The following NWD2 variants were observed in gnomAD, a reference collection of about 807,000 sequenced individuals.
NWD2 encodes the protein NACHT and WD repeat domain-containing protein 2.
In NWD2, 37 loss-of-function variants were observed where a neutral mutation model predicts 132.7. That is an observed-to-expected ratio of 0.28 (90% CI 0.21 to 0.37). The LOEUF is 0.37. Among genes scored for constraint, NWD2 ranks in the 10% least tolerant of loss-of-function variants. The probability of loss-of-function intolerance (pLI) is 1.00; values close to 1 mark genes in which losing one functional copy is unlikely to be tolerated. For missense variants in NWD2, 1,592 were observed against 2,122.4 expected (o/e 0.75, Z 4.91); for synonymous variants, 705 against 803.0 (o/e 0.88, Z 2.06).
chr4:37,359,803 A>G (rs1469478840), intron 3 of NWD2, among the ~76,000 whole-genome samples: 2 of 152,160 alleles, frequency 1.3e-5, no homozygotes, highest in East Asian at 3.8e-4. Context: ...ATAATGGCCC[A>G]AGGTTCCACT....
intron 3 of NWD2, among the ~76,000 whole-genome samples, chr4:37,381,874 C>T (rs917194214): frequency 1.3e-5 from 2 of 152,170 alleles, no homozygotes; most frequent in African/African-American, 4.8e-5. Flanking sequence ...GTAGTTAAGT[C>T]ACATTTCAAA....
rs1553897375 is a variant in NWD2 at position 37,394,811 on chromosome 4, T to TGTTTTGTTTTG, written c.358-35761_358-35760insGTTTTGTTTTG. Reference sequence around the variant, plus strand: ...GTGAACCTTTATGGTTTTTTTTTTTTTTTTTTTTTTTTTTTTTGAGGCAGA... The same window carrying TGTTTTGTTTTG: ...GTGAACCTTTATGGTTTTTTTTTTTTGTTTTGTTTTGTTTTTTTTTTTTTTTTTGAGGCAGA... On this transcript the variant is annotated intron_variant, in intron 3 of 6. Transcript: ENST00000309447. 1.5e-4 allele frequency among the ~76,000 whole-genome samples: 18 copies of TGTTTTGTTTTG among 120,782 alleles called. 1 individual carries two copies. Among genetic ancestry groups the TGTTTTGTTTTG allele is most frequent in the Non-Finnish European group, 2.4e-4 (14 of 57,870 alleles). The allele number at this position is 120,782 out of a possible 152,430, so 79.2% of individuals were successfully genotyped here. A position where few individuals can be genotyped will look rare whatever the true frequency, so the allele number is the denominator to read the frequency against.
intron 1 of NWD2, among the ~76,000 whole-genome samples, chr4:37,283,119 T>G (rs1262246291): frequency 1.3e-5 from 2 of 152,192 alleles, no homozygotes; most frequent in Admixed American, 6.5e-5. Context: ...GAACTCACCA[T>G]GATTTCTACT....
chr4:37,284,823 T>C (rs2109269629), intron 1 of NWD2, among the ~76,000 whole-genome samples: 1 of 152,274 alleles, frequency 6.6e-6, no homozygotes, highest in Non-Finnish European at 1.5e-5. Context: ...CTGTGCACTC[T>C]CCTTGTGTCC....
At chr4:37,389,573 G>A (rs571388274) in intron 3 of NWD2, among the ~76,000 whole-genome samples, 133 of 152,206 alleles carry the variant, frequency 8.7e-4, no homozygotes, top group African/African-American at 3.0e-3. Flanking sequence ...TCGTTCTGGC[G>A]CTCAGTTTCC....
At chr4:37,263,260 C>A (rs535843811) in intron 1 of NWD2, among the ~76,000 whole-genome samples, 1 of 152,206 alleles carries the variant, frequency 6.6e-6, no homozygotes, top group South Asian at 2.1e-4. Flanking sequence ...TAGCAGGTAC[C>A]CAAGATGATC....
At chr4:37,330,791 A>G (rs552574073) in intron 2 of NWD2, among the ~76,000 whole-genome samples, 5 of 151,750 alleles carry the variant, frequency 3.3e-5, no homozygotes, top group Non-Finnish European at 7.4e-5. Flanking sequence ...GTATTTCTGT[A>G]CAATACCACC....
At chr4:37,430,837 T>A in intron 4 of NWD2, 62 bp downstream of exon 4, 1 of 1,407,392 alleles carries the variant, frequency 7.1e-7, no homozygotes, top group South Asian at 1.2e-5. Flanking sequence ...ACCATTTATG[T>A]CATCCGGGGT....
chr4:37,438,361 T>G (rs1042976657), intron 5 of NWD2, among the ~76,000 whole-genome samples: 17 of 152,202 alleles, frequency 1.1e-4, no homozygotes, highest in African/African-American at 3.4e-4. Flanking sequence ...GAGGTCACTT[T>G]GTTAAGGAAA....
chr4:37,445,488 C>G lies in NWD2; in HGVS notation c.3500C>G (p.Ser1167Cys), dbSNP rs1279507227. The G allele has an allele frequency of 1.9e-6, 3 of 1,551,676 alleles. No homozygotes were observed. The highest frequency in any genetic ancestry group is 2.6e-6 in the Non-Finnish European group (3 of 1,147,032). The change falls in exon 7 of 7, where the codon TCT becomes TGT. Residue 1167 changes from serine (S) to cysteine (C), a missense_variant. Coordinates refer to ENST00000309447, the MANE Select transcript of NWD2 (RefSeq NM_001144990.2). This position sits in a 1 kb window ranked among gnomAD's most constrained non-coding sequence, Gnocchi z 4.7. ...ATGGTAGACAGTGAAGGAAGTCTTT[C>G]TGTTTGGAATACTGAGGACATTTCC... Reference protein sequence around the residue: ...MVMVDSEGSLSVWNTEDISSP... With the variant: ...MVMVDSEGSLCVWNTEDISSP...
chr4:37,255,464 C>G (rs542247962), intron 1 of NWD2, among the ~76,000 whole-genome samples: 9 of 152,226 alleles, frequency 5.9e-5, no homozygotes, highest in Non-Finnish European at 1.2e-4. Context: ...TACCAAGGAG[C>G]CTGATAGAAT....
At chr4:37,417,192 G>T (rs1711645082) in intron 3 of NWD2, among the ~76,000 whole-genome samples, 1 of 151,998 alleles carries the variant, frequency 6.6e-6, no homozygotes, top group Non-Finnish European at 1.5e-5. Context: ...GGGATCATTA[G>T]TATGGTAATA....
chr4:37,433,746 ACTGT>A (rs1387570294), intron 4 of NWD2, 126 bp from the exon 5 acceptor site: 14 of 612,036 alleles, frequency 2.3e-5, no homozygotes, highest in Non-Finnish European at 3.0e-5. Context: ...TAAATTAGAC[ACTGT>A]CTGTAAAGCA....
chr4:37,415,343 T>G (rs1016996777), intron 3 of NWD2, among the ~76,000 whole-genome samples: 2 of 152,200 alleles, frequency 1.3e-5, no homozygotes, highest in African/African-American at 4.8e-5. Context: ...TGGTCTAGAA[T>G]TCGTTCATAT....
Position 37,445,198 on chromosome 4 carries a change from C to T in NWD2, c.3210C>T (p.His1070=), listed in dbSNP as rs115443539. The T allele has an allele frequency of 2.2e-3, 3,491 of 1,551,990 alleles. 71 individuals carry two copies. The African/African-American group carries it at 0.039, about 17-fold the overall frequency. The change falls in exon 7 of 7, where the codon CAC becomes CAT. Residue 1070 remains histidine, a synonymous_variant. Transcript: ENST00000309447. This position sits in a 1 kb window ranked among gnomAD's most constrained non-coding sequence, Gnocchi z 4.7. ...ATGGATTTACACTGTCCGCCAACCA[C>T]GCCCTTGCATGGCTCGAAGCCAGCA... ...YINGFTLSAN[H]ALAWLEASKD... is the part of the protein sequence containing the mutation.
At chr4:37,274,956 A>G (rs1241327749) in intron 1 of NWD2, among the ~76,000 whole-genome samples, 1 of 152,154 alleles carries the variant, frequency 6.6e-6, no homozygotes, top group Non-Finnish European at 1.5e-5. Context: ...ATCTATGACA[A>G]ATGCACAGCC....
chr4:37,373,182 T>C (rs975080310), intron 3 of NWD2, among the ~76,000 whole-genome samples: 1 of 152,238 alleles, frequency 6.6e-6, no homozygotes, highest in African/African-American at 2.4e-5. Flanking sequence ...GTGCTAATAT[T>C]AGTCCCATTT....
intron 1 of NWD2, among the ~76,000 whole-genome samples, chr4:37,286,690 A>G (rs1018657536): frequency 6.6e-5 from 10 of 152,174 alleles, no homozygotes; most frequent in African/African-American, 2.4e-4. Flanking sequence ...CATGTGTAAA[A>G]TAGAGATCAT....
At chr4:37,396,130 C>G (rs1029607227) in intron 3 of NWD2, among the ~76,000 whole-genome samples, 1 of 152,174 alleles carries the variant, frequency 6.6e-6, no homozygotes, top group East Asian at 1.9e-4. Context: ...GTCTTGCATG[C>G]CATCATGACT....
Sources: gnomAD v4.1 joint callset for allele counts (sites outside exome capture counted in the v4.1 genomes callset) on GRCh38, gnomAD v4.1.1 for gene constraint, Gnocchi (gnomAD v3.1) non-coding constraint, MANE v1.5 for transcripts, NCBI Gene and HGNC (gene_info 2026-07-23, HGNC 2026-07-21) for gene names.